The following CEP68 variants were observed in gnomAD, a reference collection of about 807,000 sequenced individuals.
CEP68 encodes the protein centrosomal protein 68, also known as centrosomal protein of 68 kDa.
CEP68 carries 26 observed loss-of-function variants against 55.3 expected under a neutral mutation model. The observed-to-expected ratio is 0.47, with a 90% CI of 0.34 to 0.65. The LOEUF (loss-of-function observed/expected upper bound fraction) is 0.65, where lower values mean the gene tolerates loss of function less well. CEP68 is among the 30% of genes least tolerant of loss of function. CEP68 has a pLI of 0.01. For synonymous variants in CEP68, 402 were observed against 383.2 expected (o/e 1.05, Z -0.57); for missense variants, 957 against 946.7 (o/e 1.01, Z -0.14).
rs567271963 is a variant in CEP68, at chr2:65,082,798, A to G, written c.*4+89A>G. On this transcript the variant is annotated intron_variant, in intron 6 of 6. Transcript: ENST00000377990. ...TTAGAAGCTTGTTGAGCCAAGAACT[A>G]TTATTTAAACAAATGAGATACTGGA... The G allele has an allele frequency of 5.3e-6, 6 of 1,122,254 alleles. No individual in the cohort carries two copies. The Admixed American group carries it at 8.3e-5, about 16-fold the overall frequency. The allele number at this position is 1,122,254 out of a possible 1,614,324, so 69.5% of individuals were successfully genotyped here.
chr2:65,074,328 T>C lies in CEP68; in HGVS notation c.1931T>C (p.Val644Ala). 1 of 1,614,254 alleles carries C rather than the reference T, an allele frequency of 6.2e-7. No homozygotes were observed. Among genetic ancestry groups the C allele is most frequent in the East Asian group, 2.2e-5 (1 of 44,892 alleles). The change falls in exon 4 of 7, where the codon GTT becomes GCT. Residue 644 changes from valine (V) to alanine (A), a missense_variant. Coordinates refer to ENST00000377990, the MANE Select transcript of CEP68 (RefSeq NM_015147.3). The stretch of plus-strand genomic sequence containing the variant: ...GAGCTGATCTGCTGGCTGTATAATG[T>C]TGCAGATGTTACTGACCACGGGACT... The part of the protein sequence containing the change: ...LEELICWLYN[V>A]ADVTDHGTAA...
chr2:65,061,109 G>A (rs1025919762), intron 1 of CEP68, among the ~76,000 whole-genome samples: 26 of 152,056 alleles, frequency 1.7e-4, no homozygotes, highest in African/African-American at 5.8e-4. Context: ...CCTGGGAGGT[G>A]GAGGTTGCAG....
chr2:65,071,644 C>T lies in CEP68; in HGVS notation c.548C>T (p.Ser183Phe). The T allele has an allele frequency of 1.2e-6, 2 of 1,614,208 alleles. No homozygotes were observed. Among genetic ancestry groups the T allele is most frequent in the Non-Finnish European group, 8.5e-7 (1 of 1,180,044 alleles). The change falls in exon 3 of 7, where the codon TCC (serine) becomes TTC (phenylalanine). Residue 183 changes from serine to phenylalanine, a missense_variant. Transcript: ENST00000377990. Reference sequence around the variant, plus strand: ...CTCTCTTGCCTGTCACAGTGGAAGTCCGTGCTGAGCCCAGGTTCCGCAGCT... The same window carrying T: ...CTCTCTTGCCTGTCACAGTGGAAGTTCGTGCTGAGCCCAGGTTCCGCAGCT... ...SGLSCLSQWK[S>F]VLSPGSAAQP...
At position 65,072,716 on chromosome 2, in the gene CEP68, C is replaced by T. The variant is rs781381670; in HGVS notation, c.1620C>T (p.Pro540=). Residue 540 remains proline (P), a synonymous_variant, in exon 3 of 7, where the codon CCC becomes CCT. Coordinates refer to ENST00000377990, the MANE Select transcript of CEP68 (RefSeq NM_015147.3). ...FPSSSSQSQL[P]PGAALQGSGD... ...CAAGCTCCAGCCAAAGCCAGCTTCCCCCTGGAGCTGCCCTCCAAGGATCTG... is the reference window on the plus strand; with the variant it reads ...CAAGCTCCAGCCAAAGCCAGCTTCCTCCTGGAGCTGCCCTCCAAGGATCTG... The T allele has an allele frequency of 6.2e-7, 1 of 1,614,150 alleles. No individual in the cohort carries two copies. Among genetic ancestry groups the T allele is most frequent in the Non-Finnish European group, 8.5e-7 (1 of 1,180,018 alleles).
rs529511877 is a variant in CEP68 at position 65,068,434 on chromosome 2, T to G, written c.-46-965T>G. ...TGGCTCTTGCTCTCATGTGCACACA[T>G]GCTGTGTTACACTTACCCTACCACT... On this transcript the variant is annotated intron_variant, in intron 1 of 6. Coordinates refer to ENST00000377990, the MANE Select transcript of CEP68 (RefSeq NM_015147.3). Among the ~76,000 whole-genome samples, 41 of 152,306 alleles carry G rather than the reference T, an allele frequency of 2.7e-4. 2 individuals carry two copies. In the South Asian group the frequency reaches 7.7e-3, roughly 28 times the overall value.
chr2:65,071,792 C>T lies in CEP68; in HGVS notation c.696C>T (p.Val232=), dbSNP rs1444551757. 4 of 1,609,442 alleles carry T rather than the reference C, an allele frequency of 2.5e-6. No homozygotes were observed. The highest frequency in any genetic ancestry group is 2.2e-5 in the East Asian group (1 of 44,788). The change falls in exon 3 of 7, where the codon GTC becomes GTT. Residue 232 remains valine, a synonymous_variant. Coordinates refer to ENST00000377990, the MANE Select transcript of CEP68 (RefSeq NM_015147.3). The part of the protein sequence containing the change: ...AKVSSSLEPV[V]PQEPSSVVGL... Reference sequence around the variant, plus strand: ...TCTCCTCCTCCCTGGAGCCGGTCGTCCCCCAGGAACCTTCCTCTGTGGTGG... The same window carrying T: ...TCTCCTCCTCCCTGGAGCCGGTCGTTCCCCAGGAACCTTCCTCTGTGGTGG...
At chr2:65,071,038 G>A in intron 2 of CEP68, 1 of 202,364 alleles carries the variant, frequency 4.9e-6, no homozygotes, top group South Asian at 9.0e-5. Context: ...CGTGTGAACT[G>A]AGCAGGATGG....
At position 65,077,842 on chromosome 2, in the gene CEP68, C is replaced by T. The variant is rs774415330; in HGVS notation, c.2008-26C>T. The T allele has an allele frequency of 8.3e-6, 13 of 1,559,866 alleles. No individual in the cohort carries two copies. In the East Asian group the frequency reaches 2.2e-4, roughly 27 times the overall value. On this transcript the variant is annotated intron_variant, in intron 4 of 6. Coordinates refer to ENST00000377990, the MANE Select transcript of CEP68 (RefSeq NM_015147.3). The stretch of plus-strand genomic sequence containing the variant: ...AAAACAATAGTAACGAAGCTTCTGC[C>T]TTTTCTTTTTCTGATACGCCTTAAG...
intron 1 of CEP68, among the ~76,000 whole-genome samples, chr2:65,063,650 T>A (rs916742856): frequency 6.6e-6 from 1 of 152,146 alleles, no homozygotes; most frequent in African/African-American, 2.4e-5. Context: ...ATGTGTAAAA[T>A]CTCGGATCTA....
At position 65,077,860 on chromosome 2, in the gene CEP68, G is replaced by T. The variant is rs200409745; in HGVS notation, c.2008-8G>T. ...CTTCTGCCTTTTCTTTTTCTGATAC[G>T]CCTTAAGCAATTTAAGAAAGATATA... On this transcript the variant is annotated splice_region_variant and splice_polypyrimidine_tract_variant and intron_variant, in intron 4 of 6. Transcript: ENST00000377990. 1.2e-6 allele frequency: 2 copies of T among 1,601,602 alleles called. No homozygotes were observed. Among genetic ancestry groups the T allele is most frequent in the Admixed American group, 3.4e-5 (2 of 58,700 alleles).
At chr2:65,082,109 A>G (rs968797683) in intron 5 of CEP68, among the ~76,000 whole-genome samples, 1 of 152,208 alleles carries the variant, frequency 6.6e-6, no homozygotes, top group African/African-American at 2.4e-5. Context: ...TTCCCAGCCA[A>G]TAGAAACTGA....
chr2:65,073,080 CTTTTT>C, intron 3 of CEP68, 100 bp downstream of exon 3: 1 of 1,293,458 alleles, frequency 7.7e-7, no homozygotes, highest in Non-Finnish European at 1.1e-6. Context: ...TGACCAGGCA[CTTTTT>C]ATGTGCCAGG....
intron 1 of CEP68, among the ~76,000 whole-genome samples, chr2:65,059,510 T>C (rs1675809732): frequency 6.6e-6 from 1 of 152,162 alleles, no homozygotes; most frequent in African/African-American, 2.4e-5. Context: ...TTCTGGGGAC[T>C]CCCTTTCAGC....
At chr2:65,060,081 A>G (rs186712824) in intron 1 of CEP68, among the ~76,000 whole-genome samples, 1 of 152,306 alleles carries the variant, frequency 6.6e-6, no homozygotes, top group East Asian at 1.9e-4. Context: ...AATAACAGCA[A>G]TTGAGGCACA....
intron 4 of CEP68, 134 bp downstream of exon 4, chr2:65,074,538 T>C (rs767073127): frequency 1.6e-6 from 2 of 1,283,226 alleles, no homozygotes. Context: ...GAAATCTAAT[T>C]AGAGCTTCAC....
At chr2:65,071,224 C>G (rs1478009600) in intron 2 of CEP68, 8 of 563,444 alleles carry the variant, frequency 1.4e-5, no homozygotes, top group Non-Finnish European at 2.5e-5. Flanking sequence ...AAGGAAGAAC[C>G]TTGGAGAGGA....
In CEP68 at chr2:65,082,617, T is replaced by C. The variant is rs762322353; in HGVS notation, c.2186T>C (p.Leu729Ser). The C allele has an allele frequency of 3.1e-6, 5 of 1,612,540 alleles. No homozygotes were observed. Among genetic ancestry groups the C allele is most frequent in the Non-Finnish European group, 4.2e-6 (5 of 1,179,432 alleles). The part of the protein sequence containing the change: ...SHADRLYDSI[L>S]ASLDMLAGCT... ...GCAGATCGCCTGTATGACTCTATCTTGGCCTCTCTGGACATGCTGGCTGGC... is the reference window on the plus strand; with the variant it reads ...GCAGATCGCCTGTATGACTCTATCTCGGCCTCTCTGGACATGCTGGCTGGC... The change falls in exon 6 of 7, where the codon TTG (leucine) becomes TCG (serine). Residue 729 changes from leucine to serine, a missense_variant. Transcript: ENST00000377990.
chr2:65,064,861 C>A (rs1676086160), intron 1 of CEP68, among the ~76,000 whole-genome samples: 1 of 152,192 alleles, frequency 6.6e-6, no homozygotes, highest in Non-Finnish European at 1.5e-5. Flanking sequence ...ACAAAACTTG[C>A]CTGTAAACGT....
chr2:65,066,535 C>T (rs184750934), intron 1 of CEP68, among the ~76,000 whole-genome samples: 2 of 151,558 alleles, frequency 1.3e-5, no homozygotes, highest in Non-Finnish European at 2.9e-5. Flanking sequence ...CAAGACCAGC[C>T]TGGCCAGGAT....
Sources: gnomAD v4.1 joint callset for allele counts (sites outside exome capture counted in the v4.1 genomes callset) on GRCh38, gnomAD v4.1.1 for gene constraint, MANE v1.5 for transcripts, NCBI Gene and HGNC (gene_info 2026-07-23, HGNC 2026-07-21) for gene names.